Variants in ZNF682 observed in about 807,000 individuals in gnomAD.
The protein encoded by ZNF682 is zinc finger protein 682.
A neutral mutation model predicts 36.5 loss-of-function variants in ZNF682; 29 were observed. That is an observed-to-expected ratio of 0.80 (90% CI 0.59 to 1.08). ZNF682 has a LOEUF of 1.08. Among genes scored for constraint, ZNF682 ranks in the 50% least tolerant of loss-of-function variants. ZNF682 has a pLI of 0.00. For synonymous variants in ZNF682, 180 were observed against 197.0 expected, an observed-to-expected ratio of 0.91 and a Z score of 0.72; for missense variants, 561 against 579.7, an observed-to-expected ratio of 0.97 and a Z score of 0.33.
chr19:19,996,741 G>A (rs934644358), downstream of ZNF682, among the ~76,000 whole-genome samples: 1 of 152,082 alleles, frequency 6.6e-6, no homozygotes, highest in African/African-American at 2.4e-5. Flanking sequence ...CAGATGATGG[G>A]TGCGTCAAAA....
At chr19:20,007,645 T>G (rs1190644398) in intron 3 of ZNF682, 1 of 184,712 alleles carries the variant, frequency 5.4e-6, no homozygotes, top group Non-Finnish European at 1.1e-5. Context: ...CTCACTTTGG[T>G]TCCTTCTCCT....
At chr19:20,020,511 TAATTA>T (rs2088374362) in intron 3 of ZNF682, among the ~76,000 whole-genome samples, 1 of 151,910 alleles carries the variant, frequency 6.6e-6, no homozygotes, top group African/African-American at 2.4e-5. Context: ...ATAAATAAAT[TAATTA>T]AATTAAATTA....
chr19:20,003,186 G>A (rs1191315530), downstream of ZNF682, among the ~76,000 whole-genome samples: 7 of 29,734 alleles, frequency 2.4e-4, no homozygotes, highest in East Asian at 2.5e-3. Flanking sequence ...GCAAGACTCC[G>A]TCTCAAAAAA....
chr19:20,012,511 T>A (rs1211001643), intron 3 of ZNF682, among the ~76,000 whole-genome samples: 1 of 152,060 alleles, frequency 6.6e-6, no homozygotes, highest in Non-Finnish European at 1.5e-5. Flanking sequence ...CTCACGCCTG[T>A]AATCCCAGCA....
Position 20,005,981 on chromosome 19 carries a change from AG to A in ZNF682, c.*23del. On this transcript the variant is annotated 3_prime_UTR_variant, in exon 4 of 4. Transcript: ENST00000397165. ...AATTTGCCACATTCTTTACATTTGT[AG>A]GATTTCTCTTTAGTAAAAATTCTTA... is the stretch of plus-strand genomic sequence containing the variant. 1 of 1,549,694 alleles carries A rather than the reference AG, an allele frequency of 6.5e-7. No homozygotes were observed. The highest frequency in any genetic ancestry group is 8.7e-7 in the Non-Finnish European group (1 of 1,150,474).
chr19:20,027,228 T>G (rs911959441), intron 1 of ZNF682, among the ~76,000 whole-genome samples: 2 of 152,182 alleles, frequency 1.3e-5, no homozygotes, highest in African/African-American at 4.8e-5. Flanking sequence ...CAGGCAGATG[T>G]ACCTTAAAGG....
Position 20,039,085 on chromosome 19 carries a change from C to A in ZNF682, c.3+258G>T, listed in dbSNP as rs898272841. The A allele has an allele frequency of 1.7e-5, 23 of 1,327,262 alleles. 1 individual carries two copies. The highest frequency in any genetic ancestry group is 1.1e-4 in the South Asian group (6 of 56,004). 82.2% of individuals were successfully genotyped at this position (1,327,262 alleles called of 1,614,324 possible). ...CCCGCAGTCGGGGCAGACGCAAGAACGCGCGCGGCTCTTCCCAGGGTGGGC... is the reference window on the plus strand; with the variant it reads ...CCCGCAGTCGGGGCAGACGCAAGAAAGCGCGCGGCTCTTCCCAGGGTGGGC... On this transcript the variant is annotated intron_variant, in intron 1 of 3. Coordinates refer to ENST00000397165, the MANE Select transcript of ZNF682 (RefSeq NM_033196.3).
At chr19:20,002,967 G>C (rs1047402275), downstream of ZNF682, among the ~76,000 whole-genome samples, 3 of 151,780 alleles carry the variant, frequency 2.0e-5, no homozygotes, top group African/African-American at 7.3e-5. Context: ...GAGGCGGGCG[G>C]ATCACGAGGT....
chr19:20,035,176 A>C (rs1231110261), intron 1 of ZNF682, among the ~76,000 whole-genome samples: 1 of 152,224 alleles, frequency 6.6e-6, no homozygotes, highest in East Asian at 1.9e-4. Flanking sequence ...AAGCATATTA[A>C]TTGATGTGAC....
At chr19:20,015,679 A>C in intron 3 of ZNF682, 1 of 388,636 alleles carries the variant, frequency 2.6e-6, no homozygotes, top group East Asian at 3.6e-5. Context: ...TTGAATCAAG[A>C]GCATACAGTT....
chr19:20,021,452 C>T (rs2088383006), intron 3 of ZNF682, among the ~76,000 whole-genome samples: 1 of 151,042 alleles, frequency 6.6e-6, no homozygotes, highest in African/African-American at 2.4e-5. Flanking sequence ...CCACTGCACT[C>T]CAGCCTGTGT....
At chr19:20,027,542 C>G (rs2088441860) in intron 1 of ZNF682, among the ~76,000 whole-genome samples, 1 of 152,194 alleles carries the variant, frequency 6.6e-6, no homozygotes, top group South Asian at 2.1e-4. Context: ...GGCAGATCAT[C>G]TGAGATCGGG....
intron 1 of ZNF682, among the ~76,000 whole-genome samples, chr19:20,028,948 A>C (rs887347008): frequency 1.3e-4 from 20 of 151,020 alleles, no homozygotes; most frequent in African/African-American, 4.9e-4. Context: ...TGAAAAGCCC[A>C]GCATTTAAAT....
intron 1 of ZNF682, 57 bp from the exon 2 acceptor site, chr19:20,024,433 C>G: frequency 6.5e-7 from 1 of 1,544,334 alleles, no homozygotes; most frequent in Non-Finnish European, 8.7e-7. Context: ...TTCTTGACTC[C>G]ATGTGAAAAG....
chr19:20,026,514 G>A (rs1243342884), intron 1 of ZNF682, among the ~76,000 whole-genome samples: 1 of 152,060 alleles, frequency 6.6e-6, no homozygotes, highest in African/African-American at 2.4e-5. Context: ...CGCCCAGGCT[G>A]GAGTGCAGTG....
chr19:20,022,458 G>A (rs1024097078), intron 3 of ZNF682, among the ~76,000 whole-genome samples: 14 of 151,912 alleles, frequency 9.2e-5, no homozygotes, highest in Admixed American at 4.6e-4. Flanking sequence ...ACCTGAGGTC[G>A]TGGGTTCAAG....
At position 20,006,199 on chromosome 19, in the gene ZNF682, T is replaced by G; in HGVS notation, c.1303A>C (p.Asn435His). The part of the protein sequence containing the change: ...YNCEECGKAF[N>H]RCSHLTRHKK... ...TGTCTAGTAAGGTGTGAGCACCGAT[T>G]AAAGGCTTTTCCACATTCTTCACAG... Residue 435 changes from asparagine (N) to histidine (H), a missense_variant, in exon 4 of 4, where the codon AAT (asparagine) becomes CAT (histidine). Physicochemically the swap from Asn to His is moderately conservative, Grantham distance 68. Coordinates refer to ENST00000397165, the MANE Select transcript of ZNF682 (RefSeq NM_033196.3). 8 of 1,613,990 alleles carry G rather than the reference T, an allele frequency of 5.0e-6. No homozygotes were observed. The highest frequency in any genetic ancestry group is 6.8e-6 in the Non-Finnish European group (8 of 1,179,978).
At position 20,016,424 on chromosome 19, in the gene ZNF682, T is replaced by C. The variant is rs1314821310; in HGVS notation, c.226+6580A>G. Among the ~76,000 whole-genome samples the C allele has an allele frequency of 2.6e-5, 4 of 151,998 alleles. No homozygotes were observed. The East Asian group carries it at 7.7e-4, about 29-fold the overall frequency. On this transcript the variant is annotated intron_variant, in intron 3 of 3. Transcript: ENST00000397165. ...TTTAAACATGTTCAATGAGCAAAAA[T>C]AGAATGTAGACAACTAAACAGAATC...
rs201864496 is a variant in ZNF682 at position 20,007,273 on chromosome 19, T to C, written c.229A>G (p.Met77Val). The C allele has an allele frequency of 8.2e-5, 131 of 1,593,130 alleles. No homozygotes were observed. In the East Asian group the frequency reaches 2.5e-3, roughly 30 times the overall value. ...AGGTCTTCAGTGTAATGAGAAGACATAGCTGAAATATGAAATTAACAAAAT... is the reference window on the plus strand; with the variant it reads ...AGGTCTTCAGTGTAATGAGAAGACACAGCTGAAATATGAAATTAACAAAAT... ...RHETIAKPPA[M>V]SSHYTEDLLP... The change falls in exon 4 of 4, where the codon ATG (methionine) becomes GTG (valine). Residue 77 changes from methionine to valine, a missense_variant and splice_region_variant. Transcript: ENST00000397165.
Sources: allele counts gnomAD v4.1 joint callset (sites outside exome capture counted in the v4.1 genomes callset), GRCh38; gene constraint gnomAD v4.1.1; transcripts MANE v1.5; gene names NCBI Gene and HGNC (gene_info 2026-07-23, HGNC 2026-07-21).